Variants in MEGF6 observed in about 807,000 individuals in gnomAD.
MEGF6 encodes the protein multiple epidermal growth factor-like domains protein 6.
A neutral mutation model predicts 207.1 loss-of-function variants in MEGF6; 184 were observed. The ratio of observed to expected loss-of-function variants is 0.89; its 90% CI spans 0.79 to 1.00. The LOEUF (loss-of-function observed/expected upper bound fraction) is 1.00, where lower values mean the gene tolerates loss of function less well. MEGF6 is among the 50% of genes least tolerant of loss of function. MEGF6 has a pLI of 0.00. For missense variants in MEGF6, 2,282 were observed against 2,202.9 expected, an observed-to-expected ratio of 1.04 and a Z score of -0.72; for synonymous variants, 1,038 against 910.0, an observed-to-expected ratio of 1.14 and a Z score of -2.53.
At chr1:3,530,710 C>T (rs1285607056) in intron 4 of MEGF6, among the ~76,000 whole-genome samples, 1 of 152,210 alleles carries the variant, frequency 6.6e-6, no homozygotes, top group African/African-American at 2.4e-5. Context: ...GACTCAGCTC[C>T]GGGGGTCTCA....
chr1:3,492,743 G>A lies in MEGF6; in HGVS notation c.4412C>T (p.Pro1471Leu), dbSNP rs1470608752. The change falls in exon 35 of 37, where the codon CCC becomes CTC. Residue 1471 changes from proline to leucine, a missense_variant. Coordinates refer to ENST00000356575, the MANE Select transcript of MEGF6 (RefSeq NM_001409.4). ...NLDCRRGQFG[P>L]SCTLHCDCGG... The stretch of plus-strand genomic sequence containing the variant: ...GCAGTCACAGTGCAGGGTGCAGCTG[G>A]GCCCAAACTGGCCCCTTCTGCAATC... The A allele has an allele frequency of 6.8e-6, 11 of 1,611,898 alleles. No homozygotes were observed. Among genetic ancestry groups the A allele is most frequent in the Non-Finnish European group, 9.3e-6 (11 of 1,179,474 alleles).
rs76124436 is a variant in MEGF6 at position 3,568,049 on chromosome 1, C to T, written c.481+11776G>A. Among the ~76,000 whole-genome samples, 1,398 of 152,294 alleles carry T rather than the reference C, an allele frequency of 9.2e-3. 18 individuals are homozygous for T. Among genetic ancestry groups the T allele is most frequent in the African/African-American group, 0.024 (1,008 of 41,570 alleles). On this transcript the variant is annotated intron_variant, in intron 4 of 36. Coordinates refer to ENST00000356575, the MANE Select transcript of MEGF6 (RefSeq NM_001409.4). The stretch of plus-strand genomic sequence containing the variant: ...GAGGAGGCAGAACCCGTCCCATAAA[C>T]GCCAGAGAGGCCTGGCGTGCAGGAT...
intron 4 of MEGF6, among the ~76,000 whole-genome samples, chr1:3,548,683 G>C (rs1022240850): frequency 3.3e-5 from 5 of 152,200 alleles, no homozygotes; most frequent in African/African-American, 9.6e-5. Context: ...TGTCCAGGCA[G>C]GTGGGGCTGG....
At chr1:3,598,282 C>G (rs571260827) in intron 2 of MEGF6, among the ~76,000 whole-genome samples, 87 of 152,316 alleles carry the variant, frequency 5.7e-4, no homozygotes, top group Non-Finnish European at 1.0e-3. Context: ...CCTGGGGACC[C>G]TGATCCAACA....
intron 4 of MEGF6, among the ~76,000 whole-genome samples, chr1:3,543,436 T>C (rs565324932): frequency 2.0e-4 from 30 of 152,324 alleles, no homozygotes; most frequent in Non-Finnish European, 4.0e-4. Flanking sequence ...GACTACATTT[T>C]TGGGGGAGGC....
At chr1:3,542,499 C>T (rs1387505357) in intron 4 of MEGF6, among the ~76,000 whole-genome samples, 1 of 152,154 alleles carries the variant, frequency 6.6e-6, no homozygotes, top group Non-Finnish European at 1.5e-5. Context: ...GATGTGGGAT[C>T]CTGGTCCCCG....
chr1:3,535,080 C>A (rs142668504), intron 4 of MEGF6, among the ~76,000 whole-genome samples: 1 of 152,316 alleles, frequency 6.6e-6, no homozygotes, highest in African/African-American at 2.4e-5. Flanking sequence ...GCCTCAGTTT[C>A]CTCATCTGTG....
At chr1:3,548,967 C>T (rs1372811343) in intron 4 of MEGF6, among the ~76,000 whole-genome samples, 1 of 152,184 alleles carries the variant, frequency 6.6e-6, no homozygotes, top group Non-Finnish European at 1.5e-5. Context: ...CCTGGTCACC[C>T]TCACTGAGGC....
rs10909981 is a variant in MEGF6 at position 3,594,730 on chromosome 1, C to T, written c.376+608G>A. On this transcript the variant is annotated intron_variant, in intron 3 of 36. Transcript: ENST00000356575. The surrounding 1 kb of genome is among the most constrained non-coding windows in gnomAD (Gnocchi z 4.2). ...ACAAAGCAGAGGCTTGAGAGCCGCC[C>T]GCTCAGCTCAGACCACCCAATTCCA... 3.3e-5 allele frequency among the ~76,000 whole-genome samples: 5 copies of T among 152,204 alleles called. No individual in the cohort carries two copies. The highest frequency in any genetic ancestry group is 9.7e-5 in the African/African-American group (4 of 41,446).
At chr1:3,549,598 C>T (rs981131774) in intron 4 of MEGF6, among the ~76,000 whole-genome samples, 4 of 152,194 alleles carry the variant, frequency 2.6e-5, no homozygotes, top group Admixed American at 1.3e-4. Context: ...CAGAAGGGTC[C>T]ATCAATTCAC....
At chr1:3,575,339 G>A (rs1643611836) in intron 4 of MEGF6, among the ~76,000 whole-genome samples, 1 of 152,176 alleles carries the variant, frequency 6.6e-6, no homozygotes, top group African/African-American at 2.4e-5. Flanking sequence ...AGTCCTCCCA[G>A]GGACAGGGGA....
chr1:3,617,913 G>A, the MEGF6 span, among the ~76,000 whole-genome samples: 1,271 of 152,262 alleles, frequency 8.3e-3, 21 homozygotes, highest in African/African-American at 0.029. Context: ...CCCGGTCCTC[G>A]GTCACTTGTT....
rs887480444 is a variant in MEGF6 at position 3,611,324 on chromosome 1, C to T, written c.-56G>A. Reference sequence around the variant, plus strand: ...GCTCACAGGCGGCCCCGGCGGCTCCCCGGAGCCTCCGCCTCCACGTGCGCC... The same window carrying T: ...GCTCACAGGCGGCCCCGGCGGCTCCTCGGAGCCTCCGCCTCCACGTGCGCC... On this transcript the variant is annotated 5_prime_UTR_variant, in exon 1 of 37. Transcript: ENST00000356575. 2 of 1,390,558 alleles carry T rather than the reference C, an allele frequency of 1.4e-6. No homozygotes were observed. The highest frequency in any genetic ancestry group is 1.5e-5 in the African/African-American group (1 of 66,218). The allele number at this position is 1,390,558 out of a possible 1,614,324, so 86.1% of individuals were successfully genotyped here.
At chr1:3,499,088 C>A (rs1294405803) in intron 24 of MEGF6, 50 bp downstream of exon 24, 18 of 1,586,294 alleles carry the variant, frequency 1.1e-5, no homozygotes, top group Non-Finnish European at 1.5e-5. Context: ...GAGGCCAGCA[C>A]CCTCGCTCAG....
chr1:3,548,497 G>A (rs1019887198), intron 4 of MEGF6, among the ~76,000 whole-genome samples: 6 of 152,252 alleles, frequency 3.9e-5, no homozygotes, highest in Non-Finnish European at 5.9e-5. Context: ...GGGCGAGACG[G>A]AGGCTGGCCA....
In MEGF6 at chr1:3,524,398, G is replaced by A. The variant is rs189209297; in HGVS notation, c.482-152C>T. The stretch of plus-strand genomic sequence containing the variant: ...CCCCTCACCCACATCTGCCGGAGAC[G>A]CAGCAGAAGAGACAGGGTCTGTGCT... On this transcript the variant is annotated intron_variant, in intron 4 of 36. Transcript: ENST00000356575. 134 of 1,010,116 alleles carry A rather than the reference G, an allele frequency of 1.3e-4. 2 individuals are homozygous for A. In the East Asian group the frequency reaches 3.2e-3, roughly 24 times the overall value. 62.6% of individuals were successfully genotyped at this position (1,010,116 alleles called of 1,614,324 possible).
chr1:3,514,537 A>G lies in MEGF6; in HGVS notation c.853+13T>C. The G allele has an allele frequency of 1.3e-6, 2 of 1,585,648 alleles. No homozygotes were observed. The highest frequency in any genetic ancestry group is 1.7e-6 in the Non-Finnish European group (2 of 1,169,596). On this transcript the variant is annotated intron_variant, in intron 7 of 36. Transcript: ENST00000356575. Reference sequence around the variant, plus strand: ...GACCCTGGGCGGGGCGGAGCAGGGGAGGGGCGTCCTACCTTCACAGGCCTT... The same window carrying G: ...GACCCTGGGCGGGGCGGAGCAGGGGGGGGGCGTCCTACCTTCACAGGCCTT...
chr1:3,609,813 G>A lies in MEGF6; in HGVS notation c.131+1325C>T, dbSNP rs573855592. Among the ~76,000 whole-genome samples the A allele has an allele frequency of 1.2e-4, 19 of 152,342 alleles. No homozygotes were observed. The East Asian group carries it at 1.7e-3, about 14-fold the overall frequency. Reference sequence around the variant, plus strand: ...GTCCGGCAGCGGGCCCAGGAAGGTCGCTGACGGTTTCCACAGTGCACTGGT... The same window carrying A: ...GTCCGGCAGCGGGCCCAGGAAGGTCACTGACGGTTTCCACAGTGCACTGGT... On this transcript the variant is annotated intron_variant, in intron 1 of 36. Transcript: ENST00000356575.
At chr1:3,572,154 AGGTGTGCTGGGTCCTCCTG>A (rs1557785408) in intron 4 of MEGF6, among the ~76,000 whole-genome samples, 9 of 71,604 alleles carry the variant, frequency 1.3e-4, no homozygotes, top group African/African-American at 2.3e-4. Flanking sequence ...GGGTTCTCTC[AGGTGTGCTGGGTCCTCCTG>A]GGTGTGCTGG....
Sources: gnomAD v4.1 joint callset for allele counts (sites outside exome capture counted in the v4.1 genomes callset) on GRCh38, gnomAD v4.1.1 for gene constraint, Gnocchi (gnomAD v3.1) non-coding constraint, MANE v1.5 for transcripts, NCBI Gene and HGNC (gene_info 2026-07-23, HGNC 2026-07-21) for gene names.